TAB1: variants seen among roughly 807,000 people sequenced by gnomAD.
TAB1 encodes TGF-beta activated kinase 1 (MAP3K7) binding protein 1, also known as TGF-beta-activated kinase 1 and MAP3K7-binding protein 1.
In TAB1, 30 loss-of-function variants were observed where a neutral mutation model predicts 54.5. That is an observed-to-expected ratio of 0.55 (90% CI 0.41 to 0.75). TAB1 has a LOEUF of 0.75. Ranked by LOEUF, TAB1 falls within the 30% of genes least tolerant of loss-of-function variation. The pLI, the probability that TAB1 is intolerant of heterozygous loss-of-function variation, is 0.00. For synonymous variants in TAB1, 289 were observed against 286.9 expected, an observed-to-expected ratio of 1.01 and a Z score of -0.07; for missense variants, 609 against 683.2, an observed-to-expected ratio of 0.89 and a Z score of 1.21.
chr22:39,425,837 C>T (rs1196330523), intron 8 of TAB1, among the ~76,000 whole-genome samples: 3 of 151,530 alleles, frequency 2.0e-5, no homozygotes, highest in East Asian at 3.9e-4. Context: ...TGAGCCACCA[C>T]GCCCGGCCAA....
intron 1 of TAB1, among the ~76,000 whole-genome samples, chr22:39,400,506 G>T (rs932934069): frequency 6.6e-6 from 1 of 152,230 alleles, no homozygotes; most frequent in Non-Finnish European, 1.5e-5. Context: ...CCTAAGGCGA[G>T]AGCGCTGAGT....
downstream of TAB1, among the ~76,000 whole-genome samples, chr22:39,434,615 C>T (rs1045757248): frequency 2.6e-5 from 4 of 152,236 alleles, no homozygotes; most frequent in East Asian, 1.9e-4. Context: ...CCTGGGCGGC[C>T]GCGTCAGGGA....
downstream of TAB1, chr22:39,436,673 A>C (rs1358493637): frequency 3.2e-6 from 3 of 940,872 alleles, no homozygotes; most frequent in East Asian, 7.3e-5. Flanking sequence ...GTGCCAGGCC[A>C]GGCCCCGCCC....
downstream of TAB1, among the ~76,000 whole-genome samples, chr22:39,436,334 G>T (rs1927783491): frequency 6.6e-6 from 1 of 152,128 alleles, no homozygotes; most frequent in Non-Finnish European, 1.5e-5. Context: ...TACGTTCCAG[G>T]TATGTAGCTG....
At chr22:39,400,057 G>C (rs552029875) in intron 1 of TAB1, among the ~76,000 whole-genome samples, 1 of 152,286 alleles carries the variant, frequency 6.6e-6, no homozygotes, top group South Asian at 2.1e-4. Flanking sequence ...GGGGCTGTGG[G>C]CTGCTGCTGC....
At chr22:39,404,726 C>T (rs1171677290) in intron 1 of TAB1, among the ~76,000 whole-genome samples, 1 of 152,068 alleles carries the variant, frequency 6.6e-6, no homozygotes, top group Non-Finnish European at 1.5e-5. Context: ...ATGGGGGTAC[C>T]ACCTATACCC....
intron 1 of TAB1, among the ~76,000 whole-genome samples, chr22:39,413,541 C>G (rs1926697942): frequency 6.6e-6 from 1 of 152,070 alleles, no homozygotes; most frequent in African/African-American, 2.4e-5. Context: ...CTCAGCCTCC[C>G]CAGTAGCTGG....
intron 8 of TAB1, among the ~76,000 whole-genome samples, chr22:39,422,807 A>G (rs1333772836): frequency 1.3e-5 from 2 of 152,212 alleles, no homozygotes; most frequent in Admixed American, 1.3e-4. Flanking sequence ...TATTTTTCTT[A>G]TACCTTGGAG....
At chr22:39,428,844 G>A (rs1927463852) in intron 10 of TAB1, among the ~76,000 whole-genome samples, 1 of 152,254 alleles carries the variant, frequency 6.6e-6, no homozygotes, top group Non-Finnish European at 1.5e-5. Flanking sequence ...CCCTGGAGGG[G>A]GGTGGGCGGC....
chr22:39,400,181 C>G (rs1237729963), intron 1 of TAB1, among the ~76,000 whole-genome samples: 1 of 152,218 alleles, frequency 6.6e-6, no homozygotes, highest in Non-Finnish European at 1.5e-5. Context: ...ATGATAATAA[C>G]AGCAGCATCC....
intron 7 of TAB1, among the ~76,000 whole-genome samples, chr22:39,420,472 C>T (rs35559910): frequency 5.1e-4 from 77 of 152,308 alleles, no homozygotes; most frequent in Non-Finnish European, 8.5e-4. Context: ...AGGCTGTTCC[C>T]AAAGCCAGAG....
At chr22:39,436,216 C>A (rs1464967758), downstream of TAB1, among the ~76,000 whole-genome samples, 1 of 152,100 alleles carries the variant, frequency 6.6e-6, no homozygotes, top group African/African-American at 2.4e-5. Context: ...TCACTTGCAC[C>A]CTGGAGGCGG....
At chr22:39,402,120 AGAG>A (rs1332564282) in intron 1 of TAB1, among the ~76,000 whole-genome samples, 2 of 152,096 alleles carry the variant, frequency 1.3e-5, no homozygotes, top group Non-Finnish European at 2.9e-5. Context: ...TTTGCCAAGC[AGAG>A]GAGAGGAGGG....
chr22:39,416,840 T>C lies in TAB1; in HGVS notation c.374T>C (p.Leu125Ser). The change falls in exon 4 of 11, where the codon TTG becomes TCG. Residue 125 changes from leucine (L) to serine (S), a missense_variant. Transcript: ENST00000216160. Reference protein sequence around the residue: ...RSFLESIDDALAEKASLQSQL... With the variant: ...RSFLESIDDASAEKASLQSQL... ...TTCCTGGAGTCCATTGACGACGCCT[T>C]GGCTGAGAAGGCAAGCCTCCAGTCG... 1.2e-6 allele frequency: 2 copies of C among 1,614,234 alleles called. No homozygotes were observed. Among genetic ancestry groups the C allele is most frequent in the Non-Finnish European group, 8.5e-7 (1 of 1,180,042 alleles).
At chr22:39,427,277 G>A (rs891619845) in intron 9 of TAB1, among the ~76,000 whole-genome samples, 4 of 152,134 alleles carry the variant, frequency 2.6e-5, no homozygotes, top group African/African-American at 7.2e-5. Context: ...CAGTCCTCAT[G>A]GGCAACCCTA....
At chr22:39,435,225 G>C (rs17001112), downstream of TAB1, among the ~76,000 whole-genome samples, 936 of 152,234 alleles carry the variant, frequency 6.1e-3, 13 homozygotes, top group East Asian at 0.043. Context: ...TTCCATTTTA[G>C]TACAAAAATA....
chr22:39,423,584 A>G lies in TAB1; in HGVS notation c.921+1613A>G, dbSNP rs138947677. Among the ~76,000 whole-genome samples, 928 of 152,260 alleles carry G rather than the reference A, an allele frequency of 6.1e-3. 13 individuals carry two copies. The highest frequency in any genetic ancestry group is 0.043 in the East Asian group (220 of 5,150). On this transcript the variant is annotated intron_variant, in intron 8 of 10. Coordinates refer to ENST00000216160, the MANE Select transcript of TAB1 (RefSeq NM_006116.3). Reference sequence around the variant, plus strand: ...CGCACCACTGCACTCCAGCCTGAGCAACAGAGCAAGACTCTGTCTCAATCA... The same window carrying G: ...CGCACCACTGCACTCCAGCCTGAGCGACAGAGCAAGACTCTGTCTCAATCA...
At chr22:39,432,321 C>G (rs1017210963), downstream of TAB1, 2 of 152,346 alleles carry the variant, frequency 1.3e-5, no homozygotes, top group Non-Finnish European at 2.9e-5. Flanking sequence ...CTGGGTTTTG[C>G]TTTGGGGAAG....
chr22:39,436,534 G>A (rs1056328239), downstream of TAB1: 22 of 1,613,984 alleles, frequency 1.4e-5, no homozygotes, highest in Admixed American at 3.0e-4. Context: ...ATCCCTCAGT[G>A]CCAACTAAAC....
Sources: gnomAD v4.1 joint callset for allele counts (sites outside exome capture counted in the v4.1 genomes callset) on GRCh38, gnomAD v4.1.1 for gene constraint, MANE v1.5 for transcripts, NCBI Gene and HGNC (gene_info 2026-07-23, HGNC 2026-07-21) for gene names.